CDKAL1: variants seen among roughly 807,000 people sequenced by gnomAD.
CDKAL1 encodes the protein CDKAL1 threonylcarbamoyladenosine tRNA methylthiotransferase, also known as threonylcarbamoyladenosine tRNA methylthiotransferase.
CDKAL1 carries 32 observed loss-of-function variants against 68.2 expected under a neutral mutation model. The ratio of observed to expected loss-of-function variants is 0.47; its 90% CI spans 0.35 to 0.63. The LOEUF (loss-of-function observed/expected upper bound fraction) is 0.63. Among genes scored for constraint, CDKAL1 ranks in the 30% least tolerant of loss-of-function variants. The pLI, the probability that CDKAL1 is intolerant of heterozygous loss-of-function variation, is 0.00. For synonymous variants in CDKAL1, 234 were observed against 244.3 expected, an observed-to-expected ratio of 0.96 and a Z score of 0.39; for missense variants, 606 against 696.7, an observed-to-expected ratio of 0.87 and a Z score of 1.47.
intron 9 of CDKAL1, among the ~76,000 whole-genome samples, chr6:20,922,600 C>T (rs1243914885): frequency 6.6e-6 from 1 of 152,042 alleles, no homozygotes; most frequent in Non-Finnish European, 1.5e-5. Flanking sequence ...GCTTACTTTC[C>T]CTATGCATTG....
At chr6:20,833,399 A>G (rs112657365) in intron 8 of CDKAL1, among the ~76,000 whole-genome samples, 1,710 of 152,196 alleles carry the variant, frequency 0.011, 26 homozygotes, top group African/African-American at 0.039. Context: ...TTGCTCTTAA[A>G]CAAACCATCC....
At chr6:20,649,132 A>G (rs1205957049) in intron 4 of CDKAL1, among the ~76,000 whole-genome samples, 161 bp from the exon 5 acceptor site, 8 of 152,210 alleles carry the variant, frequency 5.3e-5, no homozygotes, top group African/African-American at 1.9e-4. Flanking sequence ...ATTGTTCACA[A>G]ATATTTCCAT....
At chr6:20,898,494 G>C (rs1177600605) in intron 9 of CDKAL1, among the ~76,000 whole-genome samples, 3 of 150,224 alleles carry the variant, frequency 2.0e-5, no homozygotes, top group Non-Finnish European at 4.4e-5. Flanking sequence ...GCTTTCCCTG[G>C]GTTCTTGTCA....
At chr6:20,905,120 T>G (rs2150608165) in intron 9 of CDKAL1, among the ~76,000 whole-genome samples, 1 of 152,296 alleles carries the variant, frequency 6.6e-6, no homozygotes, top group East Asian at 1.9e-4. Flanking sequence ...GATAAAAATC[T>G]GATGGCCTAT....
At chr6:20,871,387 G>C (rs955960827) in intron 9 of CDKAL1, among the ~76,000 whole-genome samples, 10 of 152,106 alleles carry the variant, frequency 6.6e-5, no homozygotes, top group Admixed American at 4.6e-4. Context: ...TGAAATCACA[G>C]CCACTACAAA....
In CDKAL1 at chr6:21,186,168, G is replaced by T. The variant is rs191249304; in HGVS notation, c.1300-11853G>T. 3.9e-5 allele frequency among the ~76,000 whole-genome samples: 6 copies of T among 152,116 alleles called. No homozygotes were observed. In the South Asian group the frequency reaches 6.2e-4, roughly 16 times the overall value. On this transcript the variant is annotated intron_variant, in intron 13 of 15. Transcript: ENST00000274695. ...CTGAAAGATTGTGGCAGTGCCTTTT[G>T]TTATGCTAATTAGACACCATTAGAG...
intron 10 of CDKAL1, among the ~76,000 whole-genome samples, chr6:20,956,392 GAC>G (rs1764777838): frequency 6.6e-6 from 1 of 152,132 alleles, no homozygotes; most frequent in African/African-American, 2.4e-5. Flanking sequence ...AAAGAATATG[GAC>G]AGGAGAGCAA....
chr6:20,709,080 TGTA>T (rs1371320140), intron 5 of CDKAL1, among the ~76,000 whole-genome samples: 1 of 152,002 alleles, frequency 6.6e-6, no homozygotes, highest in Non-Finnish European at 1.5e-5. Context: ...TTTTTACGAC[TGTA>T]TCCCCAGAGC....
At chr6:20,599,040 G>A (rs1309790131) in intron 4 of CDKAL1, among the ~76,000 whole-genome samples, 1 of 152,032 alleles carries the variant, frequency 6.6e-6, no homozygotes, top group East Asian at 1.9e-4. Flanking sequence ...GATTTTTAAA[G>A]TGGGTCATAT....
At chr6:20,557,050 A>T (rs9465807) in intron 4 of CDKAL1, among the ~76,000 whole-genome samples, 9,706 of 88,724 alleles carry the variant, frequency 0.11, 971 homozygotes, top group African/African-American at 0.29. Flanking sequence ...TCAAAAAAAA[A>T]AAATAAATAA....
At chr6:20,843,524 A>T (rs968617928) in intron 8 of CDKAL1, among the ~76,000 whole-genome samples, 1 of 152,010 alleles carries the variant, frequency 6.6e-6, no homozygotes, top group Non-Finnish European at 1.5e-5. Flanking sequence ...ATGAGATCCA[A>T]CTCCAAACAC....
intron 14 of CDKAL1, among the ~76,000 whole-genome samples, chr6:21,200,505 A>T (rs1387637464): frequency 6.6e-6 from 1 of 152,206 alleles, no homozygotes; most frequent in Non-Finnish European, 1.5e-5. Flanking sequence ...ACGGACACAA[A>T]CACGCAGGCC....
At chr6:21,138,883 C>A (rs1263535812) in intron 13 of CDKAL1, among the ~76,000 whole-genome samples, 1 of 152,172 alleles carries the variant, frequency 6.6e-6, no homozygotes, top group Non-Finnish European at 1.5e-5. Flanking sequence ...TTGTCTCCTC[C>A]GGCAGCAAGC....
At chr6:21,182,094 T>A (rs1052119541) in intron 13 of CDKAL1, among the ~76,000 whole-genome samples, 4 of 152,208 alleles carry the variant, frequency 2.6e-5, no homozygotes, top group African/African-American at 9.7e-5. Context: ...CTTCTGTAAG[T>A]TGGCAACCAC....
chr6:21,010,089 T>TA lies in CDKAL1; in HGVS notation c.1055+9718dup, dbSNP rs201499013. Among the ~76,000 whole-genome samples, 1,450 of 152,304 alleles carry TA rather than the reference T, an allele frequency of 9.5e-3. 23 individuals carry two copies. The highest frequency in any genetic ancestry group is 0.032 in the African/African-American group (1,345 of 41,556). ...TACGCATTGTGTGCATATATCAAAA[T>TA]ACCACATATACCTTCCATAAATATG... is the stretch of plus-strand genomic sequence containing the variant. On this transcript the variant is annotated intron_variant, in intron 11 of 15. Coordinates refer to ENST00000274695, the MANE Select transcript of CDKAL1 (RefSeq NM_017774.3).
chr6:20,801,621 G>A (rs1776368078), intron 8 of CDKAL1, among the ~76,000 whole-genome samples: 1 of 152,078 alleles, frequency 6.6e-6, no homozygotes, highest in South Asian at 2.1e-4. Context: ...TGAAACCATG[G>A]AATATATACA....
rs965376929 is a variant in CDKAL1, at chr6:21,098,893, G to C, written c.1237-9508G>C. ...CAAGACACTGCCTTTGGTGTTAGCT[G>C]GAAAAGTGGGACAAGCTTTAATGCA... On this transcript the variant is annotated intron_variant, in intron 12 of 15. Coordinates refer to ENST00000274695, the MANE Select transcript of CDKAL1 (RefSeq NM_017774.3). 2.6e-5 allele frequency among the ~76,000 whole-genome samples: 4 copies of C among 152,238 alleles called. No individual in the cohort carries two copies. The South Asian group carries it at 6.2e-4, about 24-fold the overall frequency.
chr6:21,147,622 T>G (rs553742002), intron 13 of CDKAL1, among the ~76,000 whole-genome samples: 23 of 152,318 alleles, frequency 1.5e-4, no homozygotes, highest in Admixed American at 5.2e-4. Flanking sequence ...ATCCTGACTT[T>G]ACTTTGACTT....
chr6:21,130,147 G>A (rs1334234290), intron 13 of CDKAL1, among the ~76,000 whole-genome samples: 1 of 150,642 alleles, frequency 6.6e-6, no homozygotes, highest in African/African-American at 2.4e-5. Flanking sequence ...CACAGAACAA[G>A]AACACCCTTT....
Sources: gnomAD v4.1 joint callset for allele counts (sites outside exome capture counted in the v4.1 genomes callset) on GRCh38, gnomAD v4.1.1 for gene constraint, MANE v1.5 for transcripts, NCBI Gene and HGNC (gene_info 2026-07-23, HGNC 2026-07-21) for gene names.